The following SLC37A3 variants were observed in gnomAD, a reference collection of about 807,000 sequenced individuals.
SLC37A3 encodes the protein sugar phosphate exchanger 3.
SLC37A3 carries 51 observed loss-of-function variants against 67.1 expected under a neutral mutation model. The ratio of observed to expected loss-of-function variants is 0.76; its 90% confidence interval spans 0.61 to 0.96. The LOEUF (loss-of-function observed/expected upper bound fraction) is 0.96. Ranked by LOEUF, SLC37A3 falls within the 40% of genes least tolerant of loss-of-function variation. The pLI, the probability that SLC37A3 is intolerant of heterozygous loss-of-function variation, is 0.00. For synonymous variants in SLC37A3, 214 were observed against 231.4 expected (o/e 0.92, Z 0.68); for missense variants, 508 against 603.0 (o/e 0.84, Z 1.65).
intron 6 of SLC37A3, among the ~76,000 whole-genome samples, chr7:140,357,021 T>A (rs1397100928): frequency 6.6e-6 from 1 of 152,020 alleles, no homozygotes; most frequent in Non-Finnish European, 1.5e-5. Flanking sequence ...AAGACCAGCC[T>A]GGCCAACATG....
intron 2 of SLC37A3, among the ~76,000 whole-genome samples, chr7:140,380,614 A>G (rs1798212923): frequency 6.6e-6 from 1 of 152,210 alleles, no homozygotes; most frequent in East Asian, 1.9e-4. Context: ...AGTTATGATC[A>G]TAGCTCACTA....
At position 140,337,265 on chromosome 7, in the gene SLC37A3, TA is replaced by T. The variant is rs1585240868; in HGVS notation, c.1392+18del. Reference sequence around the variant, plus strand: ...AACAGAAAAATGACTTTTTTTTTTTTAAAGGGGCACACACTTACCATGAGAA... The same window carrying T: ...AACAGAAAAATGACTTTTTTTTTTTTAAGGGGCACACACTTACCATGAGAA... On this transcript the variant is annotated intron_variant, in intron 14 of 14. Transcript: ENST00000326232. 136 of 1,480,386 alleles carry T rather than the reference TA, an allele frequency of 9.2e-5. No homozygotes were observed. The highest frequency in any genetic ancestry group is 4.4e-4 in the South Asian group (32 of 73,128). The allele number at this position is 1,480,386 out of a possible 1,614,324, so 91.7% of individuals were successfully genotyped here. A position where few individuals can be genotyped will look rare whatever the true frequency, so the allele number is the denominator to read the frequency against.
At chr7:140,368,105 C>T (rs12703794) in intron 4 of SLC37A3, among the ~76,000 whole-genome samples, 67,585 of 151,710 alleles carry the variant, frequency 0.45, 16,289 homozygotes, top group Non-Finnish European at 0.55. Context: ...TGGGCCACCG[C>T]GCCCAGCCCC....
At chr7:140,371,565 C>G (rs1331432308) in intron 3 of SLC37A3, among the ~76,000 whole-genome samples, 1 of 152,096 alleles carries the variant, frequency 6.6e-6, no homozygotes, top group African/African-American at 2.4e-5. Flanking sequence ...TTTTAAAATT[C>G]CTTTAGAATA....
At chr7:140,386,226 C>A (rs954464156) in intron 1 of SLC37A3, among the ~76,000 whole-genome samples, 6 of 152,008 alleles carry the variant, frequency 3.9e-5, no homozygotes, top group African/African-American at 1.4e-4. Flanking sequence ...CATGCCACCA[C>A]ATCCAGCTTA....
intron 3 of SLC37A3, among the ~76,000 whole-genome samples, chr7:140,379,026 C>G (rs1442496478): frequency 6.6e-6 from 1 of 151,432 alleles, no homozygotes; most frequent in East Asian, 1.9e-4. Flanking sequence ...GGCACGTAAG[C>G]AAGATACAAA....
intron 4 of SLC37A3, among the ~76,000 whole-genome samples, chr7:140,365,033 T>C (rs186895181): frequency 2.0e-5 from 3 of 152,242 alleles, no homozygotes; most frequent in Non-Finnish European, 2.9e-5. Flanking sequence ...CAGGGCACAC[T>C]AGCTGCCTGT....
chr7:140,345,319 C>T (rs1299460904), intron 11 of SLC37A3, 56 bp from the exon 12 acceptor site: 13 of 1,383,968 alleles, frequency 9.4e-6, no homozygotes, highest in Non-Finnish European at 1.2e-5. Context: ...CTCCACGTGC[C>T]TCTGCCAACC....
At chr7:140,351,212 AGAG>A (rs1277601132) in intron 9 of SLC37A3, 58 bp downstream of exon 9, 2 of 1,502,294 alleles carry the variant, frequency 1.3e-6, no homozygotes, top group Non-Finnish European at 1.8e-6. Context: ...TATCTCAGGC[AGAG>A]GAGATGTCAC....
At chr7:140,350,552 CA>C (rs1471352336) in intron 9 of SLC37A3, among the ~76,000 whole-genome samples, 42 of 152,258 alleles carry the variant, frequency 2.8e-4, no homozygotes, top group African/African-American at 9.9e-4. Flanking sequence ...ACCATGAGAT[CA>C]AGAGATGGAG....
chr7:140,348,665 C>T lies in SLC37A3; in HGVS notation c.985G>A (p.Asp329Asn), dbSNP rs561596536. The T allele has an allele frequency of 1.4e-5, 23 of 1,614,060 alleles. No homozygotes were observed. In the South Asian group the frequency reaches 1.8e-4, roughly 12 times the overall value. ...NNFGWKEAEA[D>N]KLSIWYDVGG... ...ACGTCGTACCAAATGGACAGCTTGT[C>T]GGCTTCCGCCTCCTTCCAGCCGAAG... The change falls in exon 10 of 15, where the codon GAC becomes AAC. Residue 329 changes from aspartate (D) to asparagine (N), a missense_variant. Coordinates refer to ENST00000326232, the MANE Select transcript of SLC37A3 (RefSeq NM_207113.3).
At chr7:140,348,590 A>C (rs761264686) in intron 10 of SLC37A3, 36 bp downstream of exon 10, 6 of 1,577,508 alleles carry the variant, frequency 3.8e-6, no homozygotes, top group Non-Finnish European at 5.1e-6. Context: ...CTAGTGACTA[A>C]CTCTTTATTA....
intron 2 of SLC37A3, 90 bp downstream of exon 2, chr7:140,382,348 C>T (rs528334673): frequency 1.7e-5 from 17 of 1,003,094 alleles, no homozygotes; most frequent in Non-Finnish European, 2.5e-5. Flanking sequence ...TAAGTGTATG[C>T]CCATCAGTGC....
At position 140,343,540 on chromosome 7, in the gene SLC37A3, T is replaced by C; in HGVS notation, c.1198A>G (p.Asn400Asp). Residue 400 changes from asparagine to aspartate, a missense_variant, in exon 13 of 15, where the codon AAT becomes GAT. Coordinates refer to ENST00000326232, the MANE Select transcript of SLC37A3 (RefSeq NM_207113.3). ...VTGFFIGGPS[N>D]MISSAISADL... Reference sequence around the variant, plus strand: ...GCAGAAATAGCAGAACTAATCATATTAGAAGGTCCACCAATAAAAAATCCT... The same window carrying C: ...GCAGAAATAGCAGAACTAATCATATCAGAAGGTCCACCAATAAAAAATCCT... The C allele has an allele frequency of 6.2e-7, 1 of 1,614,136 alleles. No homozygotes were observed. Among genetic ancestry groups the C allele is most frequent in the Non-Finnish European group, 8.5e-7 (1 of 1,180,036 alleles).
intron 5 of SLC37A3, among the ~76,000 whole-genome samples, chr7:140,360,699 A>T (rs1585299424): frequency 6.7e-6 from 1 of 148,160 alleles, no homozygotes; most frequent in East Asian, 2.0e-4. Flanking sequence ...ATGCCACTGC[A>T]CTCCAGCTTG....
chr7:140,369,496 G>C (rs1797734702), intron 4 of SLC37A3, 94 bp downstream of exon 4: 1 of 929,338 alleles, frequency 1.1e-6, no homozygotes, highest in Admixed American at 2.5e-5. Flanking sequence ...GCCTCAGTCA[G>C]CAAATTCAAA....
At chr7:140,381,501 G>A (rs1798251670) in intron 2 of SLC37A3, among the ~76,000 whole-genome samples, 1 of 151,788 alleles carries the variant, frequency 6.6e-6, no homozygotes, top group African/African-American at 2.4e-5. Flanking sequence ...CTCCAGTCTG[G>A]GCGACAGGGT....
At chr7:140,336,758 T>C (rs113433531) in intron 14 of SLC37A3, among the ~76,000 whole-genome samples, 1 of 152,234 alleles carries the variant, frequency 6.6e-6, no homozygotes, top group African/African-American at 2.4e-5. Context: ...GCAATATTCA[T>C]TAGACTCAGG....
In SLC37A3 at chr7:140,343,434, C is replaced by T. The variant is rs1174381573; in HGVS notation, c.1304G>A (p.Ser435Asn). 2.5e-6 allele frequency: 4 copies of T among 1,613,896 alleles called. 1 individual carries two copies. In the South Asian group the frequency reaches 3.3e-5, roughly 13 times the overall value. Residue 435 changes from serine (S) to asparagine (N), a missense_variant, in exon 13 of 15, where the codon AGC (serine) becomes AAC (asparagine). Coordinates refer to ENST00000326232, the MANE Select transcript of SLC37A3 (RefSeq NM_207113.3). ...CACCTGGCCCACTGCAGCTCCAATG[C>T]TCCCCGAACCATCCACAATTCCTGT... is the stretch of plus-strand genomic sequence containing the variant. ...TVTGIVDGSG[S>N]IGAAVGQYLV...
Sources: gnomAD v4.1 joint callset for allele counts (sites outside exome capture counted in the v4.1 genomes callset) on GRCh38, gnomAD v4.1.1 for gene constraint, MANE v1.5 for transcripts, NCBI Gene and HGNC (gene_info 2026-07-23, HGNC 2026-07-21) for gene names.